Variants in SNX13 observed in about 807,000 individuals in gnomAD.
The protein encoded by SNX13 is sorting nexin-13.
A neutral mutation model predicts 133.6 loss-of-function variants in SNX13; 45 were observed. That is an observed-to-expected ratio of 0.34 (90% CI 0.27 to 0.43). The LOEUF is 0.43. SNX13 is among the 20% of genes least tolerant of loss of function. The pLI is 1.00. For synonymous variants in SNX13, 414 were observed against 373.9 expected (o/e 1.11, Z -1.24); for missense variants, 1,032 against 1,145.1 (o/e 0.90, Z 1.43).
intron 12 of SNX13, among the ~76,000 whole-genome samples, chr7:17,842,116 A>G (rs1789974111): frequency 6.6e-6 from 1 of 152,050 alleles, no homozygotes; most frequent in African/African-American, 2.4e-5. Context: ...CACGAATATA[A>G]ACACCCAAAA....
chr7:17,851,039 A>G, intron 9 of SNX13, 75 bp from the exon 10 acceptor site: 3 of 1,456,588 alleles, frequency 2.1e-6, no homozygotes, highest in Non-Finnish European at 2.8e-6. Context: ...TTGAGTGCCT[A>G]CTATGTGCTA....
At chr7:17,863,018 T>G (rs543058029) in intron 9 of SNX13, among the ~76,000 whole-genome samples, 18 of 152,230 alleles carry the variant, frequency 1.2e-4, no homozygotes, top group Non-Finnish European at 2.4e-4. Context: ...AAAGAGAATC[T>G]GTGGGCTTGT....
chr7:17,873,670 T>C (rs987260684), intron 7 of SNX13, 54 bp from the exon 8 acceptor site: 1 of 1,088,752 alleles, frequency 9.2e-7, no homozygotes, highest in East Asian at 2.7e-5. Flanking sequence ...AGTCTACACT[T>C]CCTCTTGATA....
At chr7:17,920,767 T>C (rs1800041094) in intron 1 of SNX13, among the ~76,000 whole-genome samples, 1 of 152,202 alleles carries the variant, frequency 6.6e-6, no homozygotes, top group Admixed American at 6.5e-5. Flanking sequence ...TAAGAAGAGT[T>C]TGCCTAGATA....
chr7:17,828,446 CCAAAA>C (rs1360596211), intron 16 of SNX13, among the ~76,000 whole-genome samples: 1 of 151,552 alleles, frequency 6.6e-6, no homozygotes, highest in African/African-American at 2.4e-5. Flanking sequence ...TCAAACACAA[CCAAAA>C]TGGCACTAAA....
chr7:17,816,223 A>T lies in SNX13; in HGVS notation c.1912T>A (p.Phe638Ile). ...AGATCCTTTTTTCTCTTTTCTAAAA[A>T]ATCTCTATCCATATTATTAAAAGTC... ...KKTFNNMDRD[F>I]LEKRKKDLNA... Residue 638 changes from phenylalanine (F) to isoleucine (I), a missense_variant, in exon 19 of 26, where the codon TTT becomes ATT. Phe to Ile is a conservative substitution (Grantham distance 21). Coordinates refer to ENST00000428135, the MANE Select transcript of SNX13 (RefSeq NM_015132.5). The T allele has an allele frequency of 6.5e-7, 1 of 1,542,132 alleles. No individual in the cohort carries two copies. The highest frequency in any genetic ancestry group is 8.8e-7 in the Non-Finnish European group (1 of 1,141,932).
Position 17,826,096 on chromosome 7 carries a change from G to C in SNX13, c.1636-5C>G. 6.8e-7 allele frequency: 1 copy of C among 1,460,224 alleles called. No individual in the cohort carries two copies. Among genetic ancestry groups the C allele is most frequent in the Non-Finnish European group, 9.1e-7 (1 of 1,101,960 alleles). 90.5% of individuals were successfully genotyped at this position (1,460,224 alleles called of 1,614,324 possible). On this transcript the variant is annotated splice_region_variant and splice_polypyrimidine_tract_variant and intron_variant, in intron 16 of 25. Coordinates refer to ENST00000428135, the MANE Select transcript of SNX13 (RefSeq NM_015132.5). ...ATTTGAAAGGTCATCTAAAGACTGA[G>C]AAAAAAAAATCAGGAAACAAATTTT...
chr7:17,911,059 T>G (rs1798927188), intron 1 of SNX13, among the ~76,000 whole-genome samples: 1 of 152,110 alleles, frequency 6.6e-6, no homozygotes, highest in East Asian at 1.9e-4. Context: ...TAACTCAACT[T>G]CCAAACGTTA....
intron 1 of SNX13, among the ~76,000 whole-genome samples, chr7:17,924,983 A>G (rs1800580210): frequency 6.6e-6 from 1 of 152,134 alleles, no homozygotes; most frequent in South Asian, 2.1e-4. Flanking sequence ...CAAGGCGGGC[A>G]GATCACTTGA....
At chr7:17,906,133 T>C (rs147256730) in intron 1 of SNX13, among the ~76,000 whole-genome samples, 4 of 152,158 alleles carry the variant, frequency 2.6e-5, no homozygotes, top group Non-Finnish European at 5.9e-5. Flanking sequence ...AAGTACAAGA[T>C]GATTTTACAA....
chr7:17,880,112 G>A (rs1001805861), intron 5 of SNX13: 5 of 152,270 alleles, frequency 3.3e-5, no homozygotes, highest in African/African-American at 1.2e-4. Flanking sequence ...TTAAGGCTCT[G>A]CTGAGTGGTA....
At chr7:17,920,928 C>A (rs560979562) in intron 1 of SNX13, among the ~76,000 whole-genome samples, 2 of 152,190 alleles carry the variant, frequency 1.3e-5, no homozygotes, top group Non-Finnish European at 2.9e-5. Context: ...ATAGTAAAGG[C>A]TTTGCCATCA....
intron 1 of SNX13, among the ~76,000 whole-genome samples, chr7:17,913,481 G>A (rs562462112): frequency 6.6e-6 from 1 of 152,222 alleles, no homozygotes; most frequent in Non-Finnish European, 1.5e-5. Flanking sequence ...GCAGAGTTAA[G>A]AGCCCACCTG....
chr7:17,831,860 GAA>G, intron 15 of SNX13: 1 of 984,224 alleles, frequency 1.0e-6, no homozygotes, highest in South Asian at 4.7e-5. Context: ...TACTAGTTGA[GAA>G]AGGTAAACCA....
chr7:17,888,829 T>C (rs569764339), intron 5 of SNX13: 1 of 431,474 alleles, frequency 2.3e-6, no homozygotes, highest in Admixed American at 2.7e-5. Context: ...ATTACACTTA[T>C]TTTACATATG....
At chr7:17,826,136 G>A in intron 16 of SNX13, 45 bp from the exon 17 acceptor site, 1 of 1,254,406 alleles carries the variant, frequency 8.0e-7, no homozygotes, top group Non-Finnish European at 1.1e-6. Context: ...ATTTTATAGG[G>A]AAAAAAAAGA....
intron 9 of SNX13, among the ~76,000 whole-genome samples, chr7:17,861,492 G>T (rs1792689253): frequency 6.6e-6 from 1 of 152,028 alleles, no homozygotes; most frequent in Non-Finnish European, 1.5e-5. Context: ...CCAGAAAGTG[G>T]CAATTTCCCA....
intron 1 of SNX13, among the ~76,000 whole-genome samples, chr7:17,934,036 A>G (rs970542607): frequency 1.3e-5 from 2 of 152,248 alleles, no homozygotes; most frequent in Admixed American, 1.3e-4. Context: ...AGTGCTTAAC[A>G]TACAGGTTTG....
At chr7:17,830,474 A>G in intron 15 of SNX13, 1 of 983,996 alleles carries the variant, frequency 1.0e-6, no homozygotes, top group Non-Finnish European at 1.2e-6. Flanking sequence ...ATCAGTCTGT[A>G]CTGTGAGGGA....
Sources: allele counts gnomAD v4.1 joint callset (sites outside exome capture counted in the v4.1 genomes callset), GRCh38; gene constraint gnomAD v4.1.1; transcripts MANE v1.5; gene names NCBI Gene and HGNC (gene_info 2026-07-23, HGNC 2026-07-21).